Variants in DENND1B observed in about 807,000 individuals in gnomAD.
DENND1B encodes DENN domain-containing protein 1B.
Under a neutral mutation model 90.1 loss-of-function variants are expected in DENND1B, and 59 were observed. The observed-to-expected ratio is 0.65, with a 90% CI of 0.53 to 0.81. The LOEUF (loss-of-function observed/expected upper bound fraction) is 0.81. Ranked by LOEUF, DENND1B falls within the 40% of genes least tolerant of loss-of-function variation. The probability of loss-of-function intolerance (pLI) is 0.00; values close to 1 mark genes in which losing one functional copy is unlikely to be tolerated. For synonymous variants in DENND1B, 337 were observed against 324.6 expected, an observed-to-expected ratio of 1.04 and a Z score of -0.41; for missense variants, 862 against 912.6, an observed-to-expected ratio of 0.94 and a Z score of 0.71.
chr1:197,694,295 AT>A (rs1360538006), intron 3 of DENND1B, among the ~76,000 whole-genome samples: 1 of 151,460 alleles, frequency 6.6e-6, no homozygotes, highest in Admixed American at 6.6e-5. Context: ...TCAAAGTAAC[AT>A]ATTTTATGAG....
At chr1:197,734,266 A>T in intron 2 of DENND1B, 1 of 919,872 alleles carries the variant, frequency 1.1e-6, no homozygotes, top group Non-Finnish European at 1.3e-6. Context: ...CTATCTGTAA[A>T]TTTTTTAACC....
chr1:197,592,685 G>A (rs1358165828), intron 14 of DENND1B, among the ~76,000 whole-genome samples: 2 of 152,098 alleles, frequency 1.3e-5, no homozygotes, highest in African/African-American at 4.8e-5. Flanking sequence ...TCTGAACTGA[G>A]GTCAAAGTTT....
At chr1:197,746,578 C>T (rs551472060) in intron 2 of DENND1B, among the ~76,000 whole-genome samples, 18 of 152,080 alleles carry the variant, frequency 1.2e-4, no homozygotes, top group African/African-American at 3.6e-4. Context: ...CACTTCAGTA[C>T]GACAAAGCCC....
intron 20 of DENND1B, among the ~76,000 whole-genome samples, chr1:197,538,408 G>A (rs1030885189): frequency 8.6e-5 from 13 of 152,000 alleles, no homozygotes; most frequent in South Asian, 2.1e-4. Flanking sequence ...TTCTGACTTC[G>A]GGAATAATTA....
intron 6 of DENND1B, among the ~76,000 whole-genome samples, chr1:197,653,925 G>A (rs146511518): frequency 0.027 from 4,056 of 152,200 alleles, 75 homozygotes; most frequent in Middle Eastern, 0.079. Flanking sequence ...TTCTGGTTTT[G>A]ACTTTTCATT....
At chr1:197,547,316 C>T (rs1293977849) in intron 16 of DENND1B, among the ~76,000 whole-genome samples, 2 of 151,318 alleles carry the variant, frequency 1.3e-5, no homozygotes, top group Non-Finnish European at 2.9e-5. Flanking sequence ...CTATCCAATA[C>T]AAAGAACCCC....
At chr1:197,511,986 AT>A (rs1668062599) in intron 21 of DENND1B, 42 bp from the exon 22 acceptor site, 7 of 1,463,606 alleles carry the variant, frequency 4.8e-6, no homozygotes, top group Non-Finnish European at 5.6e-6. Context: ...AAATAACCAT[AT>A]TTGCTGCATG....
At chr1:197,776,771 A>G (rs981753504), upstream of DENND1B, among the ~76,000 whole-genome samples, 1 of 152,100 alleles carries the variant, frequency 6.6e-6, no homozygotes, top group Non-Finnish European at 1.5e-5. Flanking sequence ...TTGTATAGCC[A>G]TGGGCCTGTT....
chr1:197,774,994 G>T (rs1267003790), intron 1 of DENND1B, 145 bp downstream of exon 1: 5 of 407,762 alleles, frequency 1.2e-5, no homozygotes, highest in African/African-American at 8.5e-5. Context: ...AGAGGCTTGG[G>T]GGCCGGACCG....
At chr1:197,777,774 T>C (rs2102535392), upstream of DENND1B, among the ~76,000 whole-genome samples, 1 of 152,292 alleles carries the variant, frequency 6.6e-6, no homozygotes, top group Admixed American at 6.5e-5. Flanking sequence ...AAGAACATGG[T>C]CTTTATTTAT....
intron 2 of DENND1B, chr1:197,746,775 T>C (rs1663796426): frequency 2.6e-6 from 4 of 1,515,268 alleles, no homozygotes; most frequent in Non-Finnish European, 3.7e-6. Flanking sequence ...TCACTTTGGG[T>C]TTCCCATCTC....
intron 3 of DENND1B, among the ~76,000 whole-genome samples, chr1:197,678,548 A>G (rs963223289): frequency 2.6e-5 from 4 of 152,156 alleles, no homozygotes; most frequent in African/African-American, 4.8e-5. Context: ...TACACAAGAG[A>G]GTAATAACTG....
At chr1:197,744,899 A>G (rs1663559755) in intron 2 of DENND1B, among the ~76,000 whole-genome samples, 4 of 152,202 alleles carry the variant, frequency 2.6e-5, no homozygotes, top group African/African-American at 7.2e-5. Context: ...CAGCTTCTAC[A>G]TCAGCACTTG....
At chr1:197,624,185 A>G (rs1407589156) in intron 10 of DENND1B, among the ~76,000 whole-genome samples, 1 of 151,696 alleles carries the variant, frequency 6.6e-6, no homozygotes, top group Non-Finnish European at 1.5e-5. Flanking sequence ...TAAAGCTACA[A>G]TATTCAAAAC....
chr1:197,768,715 AC>A (rs1398272157), intron 2 of DENND1B, among the ~76,000 whole-genome samples: 1 of 152,132 alleles, frequency 6.6e-6, no homozygotes, highest in Admixed American at 6.6e-5. Flanking sequence ...AATCTGTCAG[AC>A]ACCACCAGAA....
At chr1:197,575,648 C>T (rs562277191) in intron 15 of DENND1B, among the ~76,000 whole-genome samples, 1 of 152,256 alleles carries the variant, frequency 6.6e-6, no homozygotes, top group Admixed American at 6.5e-5. Flanking sequence ...TTTATTGCGG[C>T]ACCATTCACA....
intron 15 of DENND1B, among the ~76,000 whole-genome samples, chr1:197,556,114 A>G (rs2125693051): frequency 6.6e-6 from 1 of 152,218 alleles, no homozygotes. Flanking sequence ...AAAATCAAAT[A>G]TTGCAAGTTT....
chr1:197,547,440 T>C (rs1046549499), intron 16 of DENND1B, among the ~76,000 whole-genome samples: 8 of 152,214 alleles, frequency 5.3e-5, no homozygotes, highest in Admixed American at 5.2e-4. Flanking sequence ...TTCTAGCTGT[T>C]ATCTTTGCAT....
In DENND1B at chr1:197,674,000, C is replaced by A. The variant is rs1328683943; in HGVS notation, c.176+120G>T. The A allele has an allele frequency of 6.5e-5, 46 of 709,882 alleles. No homozygotes were observed. In the South Asian group the frequency reaches 8.9e-4, roughly 14 times the overall value. 44.0% of individuals were successfully genotyped at this position (709,882 alleles called of 1,614,324 possible). A position where few individuals can be genotyped will look rare whatever the true frequency, so the allele number is the denominator to read the frequency against. Reference sequence around the variant, plus strand: ...TTTTCAACCTCTTTTCAATCTCTAGCCTTTTTGTGAGAAGCAATAAAGAGA... The same window carrying A: ...TTTTCAACCTCTTTTCAATCTCTAGACTTTTTGTGAGAAGCAATAAAGAGA... On this transcript the variant is annotated intron_variant, in intron 4 of 22. Coordinates refer to ENST00000620048, the MANE Select transcript of DENND1B (RefSeq NM_001195215.2).
Sources: allele counts gnomAD v4.1 joint callset (sites outside exome capture counted in the v4.1 genomes callset), GRCh38; gene constraint gnomAD v4.1.1; transcripts MANE v1.5; gene names NCBI Gene and HGNC (gene_info 2026-07-23, HGNC 2026-07-21).